FHIT: variants seen among roughly 807,000 people sequenced by gnomAD.
FHIT encodes fragile histidine triad diadenosine triphosphatase.
FHIT carries 19 observed loss-of-function variants against 17.9 expected under a neutral mutation model. That is an observed-to-expected ratio of 1.06 (90% CI 0.74 to 1.56). The LOEUF is 1.56. Ranked by LOEUF, FHIT falls within the 40% of genes most tolerant of loss-of-function variation. The probability of loss-of-function intolerance (pLI) is 0.00; values close to 1 mark genes in which losing one functional copy is unlikely to be tolerated. For missense variants in FHIT, 248 were observed against 189.2 expected (o/e 1.31, Z -1.82); for synonymous variants, 81 against 69.7 (o/e 1.16, Z -0.81).
chr3:59,963,912 C>A (rs1160255809), intron 7 of FHIT, among the ~76,000 whole-genome samples: 1 of 152,190 alleles, frequency 6.6e-6, no homozygotes, highest in Non-Finnish European at 1.5e-5. Context: ...AGATGCATGT[C>A]ACTAAAACGT....
At chr3:60,130,199 C>T (rs752428991) in intron 5 of FHIT, among the ~76,000 whole-genome samples, 9 of 152,192 alleles carry the variant, frequency 5.9e-5, no homozygotes, top group Admixed American at 1.3e-4. Context: ...CTCTAACCAG[C>T]TGTGTGATAC....
chr3:60,425,414 T>C (rs1702625670), intron 5 of FHIT, among the ~76,000 whole-genome samples: 1 of 152,184 alleles, frequency 6.6e-6, no homozygotes, highest in African/African-American at 2.4e-5. Context: ...TCTCCCACCC[T>C]GGGCCTCCAT....
chr3:59,892,982 A>C (rs1194512868), intron 8 of FHIT, among the ~76,000 whole-genome samples: 1 of 152,258 alleles, frequency 6.6e-6, no homozygotes, highest in African/African-American at 2.4e-5. Context: ...CATATTTAAA[A>C]AGCTGAATTA....
chr3:60,429,298 A>C (rs1267220020), intron 5 of FHIT, among the ~76,000 whole-genome samples: 1 of 152,130 alleles, frequency 6.6e-6, no homozygotes. Flanking sequence ...AATGAAATAA[A>C]AAAAAGTCCT....
chr3:60,863,293 G>C (rs1227564364), intron 3 of FHIT, among the ~76,000 whole-genome samples: 1 of 152,120 alleles, frequency 6.6e-6, no homozygotes, highest in Admixed American at 6.6e-5. Context: ...TAACCTGAAC[G>C]AGTTTGGAAG....
At chr3:60,850,483 A>G (rs1703113362) in intron 3 of FHIT, among the ~76,000 whole-genome samples, 1 of 152,008 alleles carries the variant, frequency 6.6e-6, no homozygotes, top group South Asian at 2.1e-4. Context: ...TCACTCCATT[A>G]CATTAATCTT....
chr3:60,186,027 G>A (rs1483374995), intron 5 of FHIT, among the ~76,000 whole-genome samples: 1 of 152,088 alleles, frequency 6.6e-6, no homozygotes, highest in Non-Finnish European at 1.5e-5. Context: ...AGTTGTAAGG[G>A]TTCTTTCTAT....
At chr3:60,101,429 A>C (rs1421649076) in intron 5 of FHIT, among the ~76,000 whole-genome samples, 1 of 152,154 alleles carries the variant, frequency 6.6e-6, no homozygotes, top group Non-Finnish European at 1.5e-5. Context: ...GCTCTTGCTC[A>C]TCCGTTAAGT....
chr3:60,842,080 G>A (rs928760514), intron 3 of FHIT, among the ~76,000 whole-genome samples: 4 of 152,090 alleles, frequency 2.6e-5, no homozygotes, highest in Admixed American at 1.3e-4. Context: ...AAGCATGTTA[G>A]GACATCCTAG....
chr3:60,563,641 T>C (rs2107648271), intron 4 of FHIT, among the ~76,000 whole-genome samples: 1 of 152,330 alleles, frequency 6.6e-6, no homozygotes, highest in African/African-American at 2.4e-5. Context: ...TTATTGCTGA[T>C]AGGGAGAGTT....
intron 4 of FHIT, among the ~76,000 whole-genome samples, chr3:60,780,350 T>C (rs1700342468): frequency 2.0e-5 from 3 of 152,130 alleles, no homozygotes; most frequent in African/African-American, 7.2e-5. Flanking sequence ...AACCTTAAAC[T>C]GGTTAGCTTA....
intron 4 of FHIT, among the ~76,000 whole-genome samples, chr3:60,688,519 C>G (rs2040913075): frequency 6.6e-6 from 1 of 151,824 alleles, no homozygotes; most frequent in South Asian, 2.1e-4. Context: ...GCACCCTTCA[C>G]CTCCTGGGTT....
Position 60,014,048 on chromosome 3 carries a change from C to G in FHIT, c.208G>C (p.Glu70Gln), listed in dbSNP as rs1374790018. The G allele has an allele frequency of 6.2e-7, 1 of 1,613,906 alleles. No homozygotes were observed. The highest frequency in any genetic ancestry group is 8.5e-7 in the Non-Finnish European group (1 of 1,179,954). The change falls in exon 6 of 10, where the codon GAA (glutamate) becomes CAA (glutamine). Residue 70 changes from glutamate to glutamine, a missense_variant. By Grantham distance (29) the Glu-to-Gln change is conservative. Coordinates refer to ENST00000492590, the MANE Select transcript of FHIT (RefSeq NM_002012.4). ...QTTQRVGTVV[E>Q]KHFHGTSLTF... ...AGAGAGGTCCCATGGAAATGTTTTT[C>G]CACCACTGTCCCGACTCTCTGGGTC...
In FHIT at chr3:59,922,348, C is replaced by T. The variant is rs535578829; in HGVS notation, c.346G>A (p.Glu116Lys). Residue 116 changes from glutamate (E) to lysine (K), a missense_variant and splice_region_variant, in exon 8 of 10, where the codon GAG (glutamate) becomes AAG (lysine). Transcript: ENST00000492590. ...AAGATCAGAGAGAACAGACCCACCT[C>T]CTCATAGATGCTGTCATTCCTGTGA... ...DFHRNDSIYE[E>K]LQKHDKEDFP... The T allele has an allele frequency of 5.1e-5, 83 of 1,613,142 alleles. No individual in the cohort carries two copies. Among genetic ancestry groups the T allele is most frequent in the Non-Finnish European group, 7.0e-5 (82 of 1,179,264 alleles).
At chr3:60,740,864 T>C (rs532396913) in intron 4 of FHIT, among the ~76,000 whole-genome samples, 43 of 152,364 alleles carry the variant, frequency 2.8e-4, no homozygotes, top group African/African-American at 9.4e-4. Flanking sequence ...GTTATGTTGA[T>C]GAGTTTAGTC....
chr3:61,057,014 A>C (rs1469066005), intron 2 of FHIT, among the ~76,000 whole-genome samples: 2 of 152,226 alleles, frequency 1.3e-5, no homozygotes, highest in Non-Finnish European at 2.9e-5. Flanking sequence ...GAATTGTCCC[A>C]GTAATAGCAG....
At chr3:59,962,697 A>T (rs1168012430) in intron 7 of FHIT, among the ~76,000 whole-genome samples, 1 of 152,222 alleles carries the variant, frequency 6.6e-6, no homozygotes, top group Non-Finnish European at 1.5e-5. Flanking sequence ...CCTTGGAAGG[A>T]AACTGATGGA....
chr3:59,970,601 T>C (rs748677965), intron 7 of FHIT, among the ~76,000 whole-genome samples: 9 of 152,166 alleles, frequency 5.9e-5, no homozygotes, highest in Non-Finnish European at 1.3e-4. Flanking sequence ...ATGTGTTATC[T>C]GGCAAGGACA....
intron 5 of FHIT, among the ~76,000 whole-genome samples, chr3:60,476,744 C>G (rs2033363999): frequency 6.6e-6 from 1 of 152,046 alleles, no homozygotes; most frequent in African/African-American, 2.4e-5. Flanking sequence ...AATCAGCTGA[C>G]CATTTATAAG....
Sources: gnomAD v4.1 joint callset for allele counts (sites outside exome capture counted in the v4.1 genomes callset) on GRCh38, gnomAD v4.1.1 for gene constraint, MANE v1.5 for transcripts, NCBI Gene and HGNC (gene_info 2026-07-23, HGNC 2026-07-21) for gene names.